Variants in EIF1 observed in about 807,000 individuals in gnomAD.
EIF1 encodes eukaryotic translation initiation factor 1.
A neutral mutation model predicts 13.7 loss-of-function variants in EIF1; 4 were observed. That is an observed-to-expected ratio of 0.29 (90% CI 0.14 to 0.67). The LOEUF (loss-of-function observed/expected upper bound fraction) is 0.67, where lower values mean the gene tolerates loss of function less well. Among genes scored for constraint, EIF1 ranks in the 30% least tolerant of loss-of-function variants. The probability of loss-of-function intolerance (pLI) is 0.77; values close to 1 mark genes in which losing one functional copy is unlikely to be tolerated. For synonymous variants in EIF1, 67 were observed against 50.7 expected (o/e 1.32, Z -1.37); for missense variants, 64 against 138.0 (o/e 0.46, Z 2.69).
At chr17:41,690,621 A>G in intron 3 of EIF1, 161 bp from the exon 4 acceptor site, 1 of 672,738 alleles carries the variant, frequency 1.5e-6, no homozygotes, top group Non-Finnish European at 2.6e-6. Context: ...CTGAGTGTTC[A>G]AAAAAGGTAG....
Position 41,689,931 on chromosome 17 carries a change from C to A in EIF1, c.185C>A (p.Ala62Glu). Reference protein sequence around the residue: ...DDYDKKKLVKAFKKKFACNGT... With the variant: ...DDYDKKKLVKEFKKKFACNGT... Reference sequence around the variant, plus strand: ...TACGATAAAAAGAAACTAGTGAAGGCGTTTAAGAAAGTAGGTCTTCAGTGA... The same window carrying A: ...TACGATAAAAAGAAACTAGTGAAGGAGTTTAAGAAAGTAGGTCTTCAGTGA... The change falls in exon 2 of 4, where the codon GCG becomes GAG. Residue 62 changes from alanine to glutamate, a missense_variant. Transcript: ENST00000469257. The A allele has an allele frequency of 6.2e-7, 1 of 1,609,744 alleles. No homozygotes were observed. Among genetic ancestry groups the A allele is most frequent in the Non-Finnish European group, 8.5e-7 (1 of 1,178,002 alleles).
chr17:41,689,419 C>G, intron 1 of EIF1: 1 of 505,298 alleles, frequency 2.0e-6, no homozygotes, highest in Non-Finnish European at 3.5e-6. Flanking sequence ...AAGGCGGTGC[C>G]AGCCCTAAGT....
Position 41,690,948 on chromosome 17 carries a change from C to G in EIF1, c.*122C>G. ...GTATAATGTAACCATTTGGGGTCCG[C>G]TTTTAACTTGGACTAGTGTAACTCC... On this transcript the variant is annotated 3_prime_UTR_variant, in exon 4 of 4. Transcript: ENST00000469257. The G allele has an allele frequency of 9.0e-7, 1 of 1,113,344 alleles. No homozygotes were observed. The highest frequency in any genetic ancestry group is 1.5e-5 in the African/African-American group (1 of 64,622). The allele number at this position is 1,113,344 out of a possible 1,614,324, so 69.0% of individuals were successfully genotyped here. A position where few individuals can be genotyped will look rare whatever the true frequency, so the allele number is the denominator to read the frequency against.
In EIF1 at chr17:41,691,204, G is replaced by C; in HGVS notation, c.*378G>C. The C allele has an allele frequency of 7.5e-6, 3 of 402,452 alleles. No homozygotes were observed. The highest frequency in any genetic ancestry group is 1.3e-5 in the Non-Finnish European group (3 of 225,424). 24.9% of individuals were successfully genotyped at this position (402,452 alleles called of 1,614,324 possible). ...GAATGTTACCACCTGAACAGTCCTC[G>C]GTGAATCTGAGAGGAGAGGATGGGG... On this transcript the variant is annotated 3_prime_UTR_variant, in exon 4 of 4. Transcript: ENST00000469257.
Position 41,688,917 on chromosome 17 carries a change from G to T in EIF1, c.-122G>T. 1.0e-6 allele frequency: 1 copy of T among 984,848 alleles called. No individual in the cohort carries two copies. The highest frequency in any genetic ancestry group is 1.5e-6 in the Non-Finnish European group (1 of 649,256). The allele number at this position is 984,848 out of a possible 1,614,324, so 61.0% of individuals were successfully genotyped here. A position where few individuals can be genotyped will look rare whatever the true frequency, so the allele number is the denominator to read the frequency against. ...TCACTGAGCCGCCGCCGAGGATTCA[G>T]CAGCCTCCCCCTTGAGCCCCCTCGC... On this transcript the variant is annotated 5_prime_UTR_variant, in exon 1 of 4. Transcript: ENST00000469257.
At position 41,690,991 on chromosome 17, in the gene EIF1, A is replaced by G. The variant is rs1910360501; in HGVS notation, c.*165A>G. On this transcript the variant is annotated 3_prime_UTR_variant, in exon 4 of 4. Coordinates refer to ENST00000469257, the MANE Select transcript of EIF1 (RefSeq NM_005801.4). ...GTAACTCCTTCATGCAATAAACTGA[A>G]AAGAGCCATGCTGTCTAGTCTTGAA... 8.6e-6 allele frequency: 6 copies of G among 696,716 alleles called. No individual in the cohort carries two copies. Among genetic ancestry groups the G allele is most frequent in the Non-Finnish European group, 1.5e-5 (6 of 409,256 alleles). 43.2% of individuals were successfully genotyped at this position (696,716 alleles called of 1,614,324 possible). A position where few individuals can be genotyped will look rare whatever the true frequency, so the allele number is the denominator to read the frequency against.
Position 41,691,144 on chromosome 17 carries a change from T to C in EIF1, c.*318T>C. On this transcript the variant is annotated 3_prime_UTR_variant, in exon 4 of 4. Coordinates refer to ENST00000469257, the MANE Select transcript of EIF1 (RefSeq NM_005801.4). ...ACAAACAACTATGGCCGGAACCTCCTCAGCTCTCCCTCTGCAGAGTTCCCT... is the reference window on the plus strand; with the variant it reads ...ACAAACAACTATGGCCGGAACCTCCCCAGCTCTCCCTCTGCAGAGTTCCCT... 1 of 519,352 alleles carries C rather than the reference T, an allele frequency of 1.9e-6. No individual in the cohort carries two copies. The highest frequency in any genetic ancestry group is 3.4e-6 in the Non-Finnish European group (1 of 290,994). 32.2% of individuals were successfully genotyped at this position (519,352 alleles called of 1,614,324 possible). A position where few individuals can be genotyped will look rare whatever the true frequency, so the allele number is the denominator to read the frequency against.
chr17:41,690,903 GT>G lies in EIF1; in HGVS notation c.*80del, dbSNP rs779376313. ...ATTTCCCTTCTCTCCCTTGTCACAG[GT>G]TTAAAAACCTCACAGCTTGTATAAT... On this transcript the variant is annotated 3_prime_UTR_variant, in exon 4 of 4. Coordinates refer to ENST00000469257, the MANE Select transcript of EIF1 (RefSeq NM_005801.4). 7.1e-6 allele frequency: 11 copies of G among 1,544,542 alleles called. No individual in the cohort carries two copies. Among genetic ancestry groups the G allele is most frequent in the Non-Finnish European group, 9.8e-6 (11 of 1,119,550 alleles).
intron 1 of EIF1, 173 bp from the exon 2 acceptor site, chr17:41,689,605 G>A (rs1910310406): frequency 1.6e-5 from 9 of 578,060 alleles, no homozygotes; most frequent in Admixed American, 3.7e-5. Flanking sequence ...GGGGAAGCTG[G>A]CCGTCCCGGA....
chr17:41,688,926 C>T lies in EIF1; in HGVS notation c.-113C>T, dbSNP rs560409448. 3.0e-5 allele frequency: 33 copies of T among 1,087,918 alleles called. No individual in the cohort carries two copies. The Middle Eastern group carries it at 1.7e-3, about 56-fold the overall frequency. The allele number at this position is 1,087,918 out of a possible 1,614,324, so 67.4% of individuals were successfully genotyped here. On this transcript the variant is annotated 5_prime_UTR_variant, in exon 1 of 4. Coordinates refer to ENST00000469257, the MANE Select transcript of EIF1 (RefSeq NM_005801.4). The stretch of plus-strand genomic sequence containing the variant: ...CGCCGCCGAGGATTCAGCAGCCTCC[C>T]CCTTGAGCCCCCTCGCTTCCCGACG...
Position 41,691,762 on chromosome 17 carries a change from A to G in EIF1, c.*936A>G, listed in dbSNP as rs1910387378. On this transcript the variant is annotated 3_prime_UTR_variant, in exon 4 of 4. Transcript: ENST00000469257. ...CTTCTCAACGGGCCTGAATTTGGCC[A>G]AGAAAAACCTTTATGAGCTTGTCCC... is the stretch of plus-strand genomic sequence containing the variant. The G allele has an allele frequency of 6.6e-6, 1 of 152,642 alleles. No homozygotes were observed. The highest frequency in any genetic ancestry group is 2.4e-5 in the African/African-American group (1 of 41,456). 9.5% of individuals were successfully genotyped at this position (152,642 alleles called of 1,614,324 possible).
chr17:41,689,536 C>T (rs1910306529), intron 1 of EIF1: 2 of 497,012 alleles, frequency 4.0e-6, no homozygotes, highest in South Asian at 2.9e-5. Context: ...AGCCCGGACT[C>T]CCCCGACATG....
chr17:41,689,594 T>G, intron 1 of EIF1, 184 bp from the exon 2 acceptor site: 1 of 542,902 alleles, frequency 1.8e-6, no homozygotes, highest in Non-Finnish European at 3.1e-6. Context: ...TCCCCGAGCC[T>G]GGGGAAGCTG....
chr17:41,689,395 C>A (rs1407057323), intron 1 of EIF1: 4 of 521,042 alleles, frequency 7.7e-6, no homozygotes, highest in Non-Finnish European at 1.4e-5. Flanking sequence ...CCCGTTGTCA[C>A]GGATCCGGAG....
chr17:41,690,651 T>A, intron 3 of EIF1, 131 bp from the exon 4 acceptor site: 1 of 913,212 alleles, frequency 1.1e-6, no homozygotes. Flanking sequence ...GAGGACCCTC[T>A]GTTGAACCAT....
chr17:41,689,137 C>G, intron 1 of EIF1, 68 bp downstream of exon 1: 2 of 1,566,960 alleles, frequency 1.3e-6, no homozygotes, highest in Non-Finnish European at 1.8e-6. Context: ...AGACGTGTTC[C>G]GGGAAGTTGC....
rs948517179 is a variant in EIF1 at position 41,688,903 on chromosome 17, C to T, written c.-136C>T. ...CCCCTCTGCCCCAGTCACTGAGCCG[C>T]CGCCGAGGATTCAGCAGCCTCCCCC... On this transcript the variant is annotated 5_prime_UTR_variant, in exon 1 of 4. Coordinates refer to ENST00000469257, the MANE Select transcript of EIF1 (RefSeq NM_005801.4). 2.4e-6 allele frequency: 2 copies of T among 847,664 alleles called. No individual in the cohort carries two copies. Among genetic ancestry groups the T allele is most frequent in the Non-Finnish European group, 1.9e-6 (1 of 535,154 alleles). 52.5% of individuals were successfully genotyped at this position (847,664 alleles called of 1,614,324 possible).
At chr17:41,689,737 T>C in intron 1 of EIF1, 41 bp from the exon 2 acceptor site, 1 of 1,540,160 alleles carries the variant, frequency 6.5e-7, no homozygotes, top group Non-Finnish European at 8.7e-7. Context: ...AGTGGCATCC[T>C]ATCTTTGACA....
rs1018570087 is a variant in EIF1, at chr17:41,690,646, C to T, written c.298-136C>T. 9.5e-6 allele frequency: 8 copies of T among 840,574 alleles called. No homozygotes were observed. The African/African-American group carries it at 1.4e-4, about 14-fold the overall frequency. The allele number at this position is 840,574 out of a possible 1,614,324, so 52.1% of individuals were successfully genotyped here. A position where few individuals can be genotyped will look rare whatever the true frequency, so the allele number is the denominator to read the frequency against. ...AAAAAAGGTAGCTCTTAACTGAGGA[C>T]CCTCTGTTGAACCATTGTGCGCACC... is the stretch of plus-strand genomic sequence containing the variant. On this transcript the variant is annotated intron_variant, in intron 3 of 3. Coordinates refer to ENST00000469257, the MANE Select transcript of EIF1 (RefSeq NM_005801.4).
Sources: allele counts gnomAD v4.1 joint callset, GRCh38; gene constraint gnomAD v4.1.1; transcripts MANE v1.5; gene names NCBI Gene and HGNC (gene_info 2026-07-23, HGNC 2026-07-21).